RNF168: variants seen among roughly 807,000 people sequenced by gnomAD.
The protein encoded by RNF168 is ring finger protein 168, also known as E3 ubiquitin-protein ligase RNF168.
A neutral mutation model predicts 34.9 loss-of-function variants in RNF168; 34 were observed. That is an observed-to-expected ratio of 0.97 (90% CI 0.74 to 1.30). The LOEUF is 1.30. RNF168 is among the 50% of genes most tolerant of loss of function. The pLI, the probability that RNF168 is intolerant of heterozygous loss-of-function variation, is 0.00. For missense variants in RNF168, 725 were observed against 682.5 expected, an observed-to-expected ratio of 1.06 and a Z score of -0.69; for synonymous variants, 264 against 254.7, an observed-to-expected ratio of 1.04 and a Z score of -0.35.
At position 196,503,332 on chromosome 3, in the gene RNF168, AGC is replaced by A; in HGVS notation, c.-161_-160del. ...AACAGGAGCATCCAACACGTCTTGA[AGC>A]AAAAAGGCGCTCTCAGGGTCAGGCA... On this transcript the variant is annotated 5_prime_UTR_variant, in exon 1 of 6. The change abolishes the stop of an existing upstream ORF in the 5' untranslated region. Transcript: ENST00000318037. 1.4e-6 allele frequency: 1 copy of A among 701,360 alleles called. No homozygotes were observed. The highest frequency in any genetic ancestry group is 2.5e-6 in the Non-Finnish European group (1 of 399,094). 43.4% of individuals were successfully genotyped at this position (701,360 alleles called of 1,614,324 possible).
chr3:196,471,970 G>C lies in RNF168; in HGVS notation c.1565C>G (p.Ser522Cys). 6.2e-7 allele frequency: 1 copy of C among 1,614,164 alleles called. No homozygotes were observed. The highest frequency in any genetic ancestry group is 8.5e-7 in the Non-Finnish European group (1 of 1,180,006). ...TGACTGCTTCAACTGCATCTTTAAA[G>C]ACACTTGCCTATTTTTGTCCCTTGA... Reference protein sequence around the residue: ...RGSRDKNRQVSLKMQLKQSVN... With the variant: ...RGSRDKNRQVCLKMQLKQSVN... The change falls in exon 6 of 6, where the codon TCT becomes TGT. Residue 522 changes from serine to cysteine, a missense_variant. By Grantham distance (112) the Ser-to-Cys change is moderately radical. Coordinates refer to ENST00000318037, the MANE Select transcript of RNF168 (RefSeq NM_152617.4).
intron 1 of RNF168, among the ~76,000 whole-genome samples, chr3:196,497,834 A>G (rs1732782691): frequency 6.6e-6 from 1 of 152,234 alleles, no homozygotes. Context: ...ACAATTAAGA[A>G]TATCTGGCAA....
rs1732953868 is a variant in RNF168 at position 196,503,398 on chromosome 3, T to G, written c.-225A>C. 1 of 577,044 alleles carries G rather than the reference T, an allele frequency of 1.7e-6. No homozygotes were observed. The allele number at this position is 577,044 out of a possible 1,614,324, so 35.7% of individuals were successfully genotyped here. A position where few individuals can be genotyped will look rare whatever the true frequency, so the allele number is the denominator to read the frequency against. On this transcript the variant is annotated 5_prime_UTR_variant, in exon 1 of 6. The change abolishes the stop of an existing upstream ORF in the 5' untranslated region. Coordinates refer to ENST00000318037, the MANE Select transcript of RNF168 (RefSeq NM_152617.4). Reference sequence around the variant, plus strand: ...CGGAGGGCGGCGTCTTTGTCCATTTTCAAGGCAAACGTCCCGCCAGCAAAT... The same window carrying G: ...CGGAGGGCGGCGTCTTTGTCCATTTGCAAGGCAAACGTCCCGCCAGCAAAT...
At chr3:196,479,265 G>A (rs111942422) in intron 4 of RNF168, among the ~76,000 whole-genome samples, 18,160 of 150,624 alleles carry the variant, frequency 0.12, 1,450 homozygotes, top group Middle Eastern at 0.24. Context: ...CACCCGCCTC[G>A]GCCTCCCAAA....
chr3:196,502,974 C>T lies in RNF168; in HGVS notation c.200G>A (p.Arg67Gln), dbSNP rs1732938306. 1 of 1,613,914 alleles carries T rather than the reference C, an allele frequency of 6.2e-7. No individual in the cohort carries two copies. The highest frequency in any genetic ancestry group is 1.1e-5 in the South Asian group (1 of 91,082). The change falls in exon 1 of 6, where the codon CGA becomes CAA. Residue 67 changes from arginine to glutamine, a missense_variant. Transcript: ENST00000318037. ...RVSSWTRYHTRRNSLVNVELW... is the reference protein window; with the variant it reads ...RVSSWTRYHTQRNSLVNVELW... ...TTCCACGTTGACGAGAGAATTTCTTCGGGTATGGTACCGAGTCCACGACGA... is the reference window on the plus strand; with the variant it reads ...TTCCACGTTGACGAGAGAATTTCTTTGGGTATGGTACCGAGTCCACGACGA...
intron 3 of RNF168, among the ~76,000 whole-genome samples, chr3:196,486,464 G>T (rs1307041082): frequency 1.3e-5 from 2 of 151,582 alleles, no homozygotes; most frequent in Admixed American, 1.3e-4. Flanking sequence ...CCTCCCAGCA[G>T]GTGGAGCTCC....
rs759294246 is a variant in RNF168 at position 196,472,176 on chromosome 3, A to G, written c.1359T>C (p.Leu453=). The G allele has an allele frequency of 9.3e-6, 15 of 1,614,022 alleles. No individual in the cohort carries two copies. In the East Asian group the frequency reaches 2.9e-4, roughly 31 times the overall value. The stretch of plus-strand genomic sequence containing the variant: ...TTTGCTCTTTATCCACCTCCTTCTG[A>G]AGTTGTAATGCCAATAACCTGTCCT... The part of the protein sequence containing the change: ...EEQDRLLALQ[L]QKEVDKEQMV... Residue 453 remains leucine, a synonymous_variant, in exon 6 of 6, where the codon CTT becomes CTC. Coordinates refer to ENST00000318037, the MANE Select transcript of RNF168 (RefSeq NM_152617.4).
chr3:196,486,557 C>T (rs1577515760), intron 3 of RNF168, among the ~76,000 whole-genome samples: 2 of 152,186 alleles, frequency 1.3e-5, no homozygotes, highest in East Asian at 3.9e-4. Context: ...TGGTCTCAAA[C>T]TCCTGGGCTC....
intron 4 of RNF168, among the ~76,000 whole-genome samples, chr3:196,479,738 C>T (rs772318460): frequency 9.9e-5 from 15 of 151,520 alleles, no homozygotes; most frequent in South Asian, 2.1e-4. Flanking sequence ...TACAGGCGTC[C>T]GCCACCACGC....
chr3:196,489,321 T>TA (rs144178055), intron 1 of RNF168, among the ~76,000 whole-genome samples: 8,609 of 147,414 alleles, frequency 0.058, 339 homozygotes, highest in Middle Eastern at 0.19. Flanking sequence ...GTTAACTGAT[T>TA]AAAAAAAAAT....
intron 3 of RNF168, among the ~76,000 whole-genome samples, chr3:196,486,831 C>T (rs776415663): frequency 2.6e-4 from 39 of 152,162 alleles, no homozygotes; most frequent in Non-Finnish European, 4.9e-4. Context: ...CACTTTGAGA[C>T]GCCGAGGCAG....
At position 196,475,274 on chromosome 3, in the gene RNF168, T is replaced by C. The variant is rs1408894965; in HGVS notation, c.719A>G (p.His240Arg). 2.5e-6 allele frequency: 4 copies of C among 1,611,552 alleles called. No individual in the cohort carries two copies. The African/African-American group carries it at 4.0e-5, about 16-fold the overall frequency. ...CCTGACTTCTTGTACAGCTTCAGAG[T>C]GTGAGGCTGACCCAAACTGAGATTT... is the stretch of plus-strand genomic sequence containing the variant. ...TPKSQFGSAS[H>R]SEAVQEVRKD... The change falls in exon 5 of 6, where the codon CAC becomes CGC. Residue 240 changes from histidine to arginine, a missense_variant. Physicochemically the swap from His to Arg is conservative, Grantham distance 29. Coordinates refer to ENST00000318037, the MANE Select transcript of RNF168 (RefSeq NM_152617.4).
At position 196,478,616 on chromosome 3, in the gene RNF168, T is replaced by A. The variant is rs1293432460; in HGVS notation, c.681-3304A>T. Among the ~76,000 whole-genome samples the A allele has an allele frequency of 3.9e-5, 6 of 152,294 alleles. No homozygotes were observed. In the South Asian group the frequency reaches 1.2e-3, roughly 32 times the overall value. On this transcript the variant is annotated intron_variant, in intron 4 of 5. Coordinates refer to ENST00000318037, the MANE Select transcript of RNF168 (RefSeq NM_152617.4). The stretch of plus-strand genomic sequence containing the variant: ...CTTTTAACATATGTAACCAATTTTT[T>A]AAAAATATGATTTCTATGAAATACA...
rs1731995373 is a variant in RNF168 at position 196,471,222 on chromosome 3, A to AAG, written c.*596_*597insCT. The AAG allele has an allele frequency of 8.9e-5, 13 of 146,368 alleles. No individual in the cohort carries two copies. The highest frequency in any genetic ancestry group is 1.6e-4 in the Non-Finnish European group (11 of 67,282). 9.1% of individuals were successfully genotyped at this position (146,368 alleles called of 1,614,324 possible). A position where few individuals can be genotyped will look rare whatever the true frequency, so the allele number is the denominator to read the frequency against. Reference sequence around the variant, plus strand: ...AAAAAAAAAAAAAAAAAAAAAAAAAAAAAAAAATCTGGGATTTCCCACATA... The same window carrying AAG: ...AAAAAAAAAAAAAAAAAAAAAAAAAAAGAAAAAAATCTGGGATTTCCCACATA... On this transcript the variant is annotated 3_prime_UTR_variant, in exon 6 of 6. Transcript: ENST00000318037.
chr3:196,493,655 A>AGCT (rs1338300060), intron 1 of RNF168, among the ~76,000 whole-genome samples: 4 of 152,054 alleles, frequency 2.6e-5, no homozygotes, highest in African/African-American at 7.2e-5. Context: ...CCTCCTGAGT[A>AGCT]GCTGGGATTA....
At chr3:196,500,769 T>A (rs1732860831) in intron 1 of RNF168, among the ~76,000 whole-genome samples, 1 of 151,988 alleles carries the variant, frequency 6.6e-6, no homozygotes, top group Non-Finnish European at 1.5e-5. Flanking sequence ...TGGAGTGCGG[T>A]GGCGTGATCT....
At chr3:196,493,733 G>A (rs1381739703) in intron 1 of RNF168, among the ~76,000 whole-genome samples, 2 of 151,988 alleles carry the variant, frequency 1.3e-5, no homozygotes, top group African/African-American at 4.8e-5. Flanking sequence ...TTACCATGTT[G>A]GCCAGGCTGG....
In RNF168 at chr3:196,484,171, C is replaced by CT. The variant is rs71699491; in HGVS notation, c.559-281dup. Among the ~76,000 whole-genome samples the CT allele has an allele frequency of 9.4e-3, 1,125 of 119,412 alleles. 44 individuals carry two copies. The highest frequency in any genetic ancestry group is 0.03 in the African/African-American group (871 of 29,262). 78.3% of individuals were successfully genotyped at this position (119,412 alleles called of 152,430 possible). On this transcript the variant is annotated intron_variant, in intron 3 of 5. Transcript: ENST00000318037. ...GATAATTCCTGTTGATCTTTCTTTC[C>CT]TTTTTTTTTTTTTTTTTGAGACGCA...
intron 4 of RNF168, among the ~76,000 whole-genome samples, chr3:196,482,805 G>T (rs1328850930): frequency 1.3e-5 from 2 of 152,046 alleles, no homozygotes; most frequent in South Asian, 4.1e-4. Flanking sequence ...TTCTGTTGTT[G>T]AGTTATAAGA....
Sources: gnomAD v4.1 joint callset for allele counts (sites outside exome capture counted in the v4.1 genomes callset) on GRCh38, gnomAD v4.1.1 for gene constraint, MANE v1.5 for transcripts, NCBI Gene and HGNC (gene_info 2026-07-23, HGNC 2026-07-21) for gene names.